ADGRF3: variants seen among roughly 807,000 people sequenced by gnomAD.
ADGRF3 encodes the protein G protein-coupled receptor 113.
ADGRF3 carries 85 observed loss-of-function variants against 93.2 expected under a neutral mutation model. The observed-to-expected ratio is 0.91, with a 90% CI of 0.77 to 1.09. ADGRF3 has a LOEUF of 1.09. Among genes scored for constraint, ADGRF3 ranks in the 50% least tolerant of loss-of-function variants. The pLI is 0.00. For synonymous variants in ADGRF3, 534 were observed against 532.5 expected (o/e 1.00, Z -0.04); for missense variants, 1,125 against 1,246.2 (o/e 0.90, Z 1.46).
intron 1 of ADGRF3, chr2:26,319,142 G>T: frequency 1.5e-6 from 2 of 1,335,646 alleles, no homozygotes; most frequent in South Asian, 1.4e-5. Flanking sequence ...GAGGGAAGAG[G>T]GGAGGGAGCC....
chr2:26,329,579 GTAAGAT>G (rs1675649591), intron 1 of ADGRF3, among the ~76,000 whole-genome samples: 2 of 152,194 alleles, frequency 1.3e-5, no homozygotes, highest in Non-Finnish European at 1.5e-5. Flanking sequence ...TTTTACCTCT[GTAAGAT>G]TCATTTCACA....
rs751893157 is a variant in ADGRF3 at position 26,319,015 on chromosome 2, G to A, written c.115-1453C>T. On this transcript the variant is annotated intron_variant, in intron 1 of 13. Transcript: ENST00000651242. ...TGACCCCAGCAGGGGAAGAGTTGTG[G>A]CCAGGAGCAGCAGTGGGGCAGCCGA... 7.1e-6 allele frequency: 11 copies of A among 1,551,626 alleles called. No individual in the cohort carries two copies. In the South Asian group the frequency reaches 1.1e-4, roughly 15 times the overall value.
chr2:26,318,080 A>G, intron 1 of ADGRF3: 1 of 1,550,956 alleles, frequency 6.4e-7, no homozygotes. Context: ...GCCATCGGCC[A>G]AAGCTAGAAG....
At chr2:26,313,708 C>T (rs906196646) in intron 7 of ADGRF3, 52 bp downstream of exon 7, 1 of 1,606,110 alleles carries the variant, frequency 6.2e-7, no homozygotes. Context: ...AGAGCCCGTG[C>T]TCCCAAGGCA....
At position 26,313,317 on chromosome 2, in the gene ADGRF3, C is replaced by T; in HGVS notation, c.1269+60G>A. 7.4e-6 allele frequency: 11 copies of T among 1,478,286 alleles called. No homozygotes were observed. The South Asian group carries it at 1.4e-4, about 18-fold the overall frequency. 91.6% of individuals were successfully genotyped at this position (1,478,286 alleles called of 1,614,324 possible). On this transcript the variant is annotated intron_variant, in intron 8 of 13. Transcript: ENST00000651242. ...GGGGAAAAGGGTCTGCAAGCTGGGT[C>T]CTAGAGAGGCTAGGGTGGGCCGTGG...
rs771349060 is a variant in ADGRF3 at position 26,311,327 on chromosome 2, G to T, written c.2197C>A (p.Arg733=). 1.2e-6 allele frequency: 2 copies of T among 1,613,770 alleles called. No homozygotes were observed. The highest frequency in any genetic ancestry group is 2.2e-5 in the East Asian group (1 of 44,888). Residue 733 remains arginine (R), a synonymous_variant, in exon 10 of 14, where the codon CGG becomes AGG. Coordinates refer to ENST00000651242, the MANE Select transcript of ADGRF3 (RefSeq NM_001321971.2). The part of the protein sequence containing the change: ...VYWLVWRVVV[R]NKISYFRHAA... ...TGGCGGAAATAGGAGATCTTGTTCC[G>T]CACCACGACTCTCCACACCAGCCAG...
intron 1 of ADGRF3, among the ~76,000 whole-genome samples, chr2:26,342,429 T>A (rs901507425): frequency 2.0e-5 from 3 of 152,228 alleles, no homozygotes; most frequent in Admixed American, 1.3e-4. Flanking sequence ...ATTGGAGTTA[T>A]TAACTACATT....
At chr2:26,338,112 C>A (rs1218949904) in intron 1 of ADGRF3, among the ~76,000 whole-genome samples, 1 of 152,076 alleles carries the variant, frequency 6.6e-6, no homozygotes, top group Non-Finnish European at 1.5e-5. Flanking sequence ...TGATTTTAAG[C>A]CTTTGTTTCC....
At chr2:26,310,144 G>A in intron 11 of ADGRF3, 39 bp from the exon 12 acceptor site, 1 of 1,613,982 alleles carries the variant, frequency 6.2e-7, no homozygotes, top group Non-Finnish European at 8.5e-7. Context: ...GCCAGCCACG[G>A]CCCCGGCCTG....
rs148297150 is a variant in ADGRF3, at chr2:26,313,027, G to A, written c.1365C>T (p.Asp455=). The A allele has an allele frequency of 4.5e-4, 724 of 1,614,042 alleles. 6 individuals carry two copies. The African/African-American group carries it at 8.0e-3, about 18-fold the overall frequency. Reference sequence around the variant, plus strand: ...TCATGGTGCTCAGCAGGGTCAGTAAGTCGGAGGGTGAACTTGCCTCTGCCG... The same window carrying A: ...TCATGGTGCTCAGCAGGGTCAGTAAATCGGAGGGTGAACTTGCCTCTGCCG... ...GQAAEASSPS[D]LLTLLSTMKY... The change falls in exon 9 of 14, where the codon GAC becomes GAT. Residue 455 remains aspartate (D), a synonymous_variant. Coordinates refer to ENST00000651242, the MANE Select transcript of ADGRF3 (RefSeq NM_001321971.2).
intron 1 of ADGRF3, chr2:26,318,164 A>C: frequency 7.8e-7 from 1 of 1,279,976 alleles, no homozygotes; most frequent in Non-Finnish European, 1.1e-6. Context: ...AAGGAGAGAG[A>C]ACATGGCAGT....
intron 1 of ADGRF3, among the ~76,000 whole-genome samples, chr2:26,334,633 C>T (rs1215026591): frequency 6.6e-6 from 1 of 152,106 alleles, no homozygotes; most frequent in Admixed American, 6.5e-5. Flanking sequence ...TTGATGTTCA[C>T]ATTGAGTCCC....
Position 26,329,558 on chromosome 2 carries a change from T to C in ADGRF3, c.115-11996A>G, listed in dbSNP as rs560692914. 1.1e-3 allele frequency among the ~76,000 whole-genome samples: 168 copies of C among 152,374 alleles called. 1 individual carries two copies. Among genetic ancestry groups the C allele is most frequent in the African/African-American group, 3.8e-3 (160 of 41,590 alleles). On this transcript the variant is annotated intron_variant, in intron 1 of 13. Transcript: ENST00000651242. ...GTTTCCAGAAGAAATGCAGATCTGCTGACATCTTGATTTTACCTCTGTAAG... is the reference window on the plus strand; with the variant it reads ...GTTTCCAGAAGAAATGCAGATCTGCCGACATCTTGATTTTACCTCTGTAAG...
chr2:26,316,515 C>A (rs1378697085), intron 3 of ADGRF3, 67 bp from the exon 4 acceptor site: 1 of 1,473,514 alleles, frequency 6.8e-7, no homozygotes, highest in Non-Finnish European at 9.2e-7. Context: ...AGGGCAGACA[C>A]CTGCCTGATG....
In ADGRF3 at chr2:26,310,250, A is replaced by G. The variant is rs142870519; in HGVS notation, c.2833-13T>C. 2 of 1,613,900 alleles carry G rather than the reference A, an allele frequency of 1.2e-6. No homozygotes were observed. Among genetic ancestry groups the G allele is most frequent in the South Asian group, 1.1e-5 (1 of 91,070 alleles). ...GGATGAAGACGCCCTGAGAAGAGGG[A>G]CATGGGGATAAGCTGGTCAAGGAGG... On this transcript the variant is annotated splice_polypyrimidine_tract_variant and intron_variant, in intron 10 of 13. Transcript: ENST00000651242.
At chr2:26,332,326 GA>G (rs1418542055) in intron 1 of ADGRF3, among the ~76,000 whole-genome samples, 2 of 152,204 alleles carry the variant, frequency 1.3e-5, no homozygotes, top group African/African-American at 4.8e-5. Context: ...CCAGAGGTGT[GA>G]ATAGAAATGG....
At chr2:26,345,251 T>C (rs1676642787) in intron 1 of ADGRF3, among the ~76,000 whole-genome samples, 1 of 151,920 alleles carries the variant, frequency 6.6e-6, no homozygotes. Flanking sequence ...TATTATAAAA[T>C]TTTATTAGTA....
At chr2:26,319,679 T>C (rs1216768648) in intron 1 of ADGRF3, among the ~76,000 whole-genome samples, 2 of 151,506 alleles carry the variant, frequency 1.3e-5, no homozygotes, top group Non-Finnish European at 2.9e-5. Context: ...CTCTCTCTCT[T>C]TCCTTCTTTC....
At chr2:26,338,348 T>TA (rs1490499128) in intron 1 of ADGRF3, among the ~76,000 whole-genome samples, 1 of 152,134 alleles carries the variant, frequency 6.6e-6, no homozygotes, top group Non-Finnish European at 1.5e-5. Flanking sequence ...ACCCTGTCTC[T>TA]AAAAAAACAA....
Sources: gnomAD v4.1 joint callset for allele counts (sites outside exome capture counted in the v4.1 genomes callset) on GRCh38, gnomAD v4.1.1 for gene constraint, MANE v1.5 for transcripts, NCBI Gene and HGNC (gene_info 2026-07-23, HGNC 2026-07-21) for gene names.